VPS39: variants seen among roughly 807,000 people sequenced by gnomAD.
VPS39 encodes the protein VPS39 subunit of HOPS complex, also known as vam6/Vps39-like protein.
VPS39 carries 70 observed loss-of-function variants against 121.0 expected under a neutral mutation model. The ratio of observed to expected loss-of-function variants is 0.58; its 90% CI spans 0.48 to 0.71. The LOEUF is 0.71. Among genes scored for constraint, VPS39 ranks in the 30% least tolerant of loss-of-function variants. VPS39 has a pLI of 0.00. For missense variants in VPS39, 818 were observed against 1,051.5 expected, an observed-to-expected ratio of 0.78 and a Z score of 3.07; for synonymous variants, 378 against 398.1, an observed-to-expected ratio of 0.95 and a Z score of 0.60.
At chr15:42,162,630 G>C (rs1319652042) in intron 21 of VPS39, 149 bp from the exon 22 acceptor site, 1 of 947,860 alleles carries the variant, frequency 1.1e-6, no homozygotes, top group African/African-American at 1.7e-5. Context: ...TTGTAAATTG[G>C]TAAGGTCAAA....
chr15:42,184,852 G>T, intron 7 of VPS39, 152 bp from the exon 8 acceptor site: 1 of 789,060 alleles, frequency 1.3e-6, no homozygotes, highest in Non-Finnish European at 1.9e-6. Flanking sequence ...AATAACCGTT[G>T]TTATCACAAT....
At chr15:42,205,226 C>G (rs1008200300) in intron 1 of VPS39, among the ~76,000 whole-genome samples, 5 of 152,050 alleles carry the variant, frequency 3.3e-5, no homozygotes, top group Admixed American at 6.6e-5. Context: ...AACTTATATT[C>G]TAATGTGGAG....
Position 42,164,998 on chromosome 15 carries a change from G to A in VPS39, c.1895C>T (p.Ala632Val). ...CGGCTTCCTAAAAGAACTGGTACCT[G>A]CAGGGAAGGACAGGAGATACTCCTT... ...LMKEYLLSFP[A>V]GKTPVPAGEE... The change falls in exon 18 of 25, where the codon GCA (alanine) becomes GTA (valine). Residue 632 changes from alanine (A) to valine (V), a missense_variant and splice_region_variant. Coordinates refer to ENST00000318006, the MANE Select transcript of VPS39 (RefSeq NM_015289.5). 2.5e-6 allele frequency: 4 copies of A among 1,614,190 alleles called. No individual in the cohort carries two copies. Among genetic ancestry groups the A allele is most frequent in the Non-Finnish European group, 3.4e-6 (4 of 1,180,014 alleles).
intron 1 of VPS39, 94 bp downstream of exon 1, chr15:42,207,987 C>G (rs2050210402): frequency 1.4e-6 from 2 of 1,382,124 alleles, no homozygotes; most frequent in African/African-American, 2.9e-5. Flanking sequence ...CCGAAGCCCA[C>G]ACGGATGGAC....
Position 42,162,500 on chromosome 15 carries a change from AG to A in VPS39, c.2176-20del. The stretch of plus-strand genomic sequence containing the variant: ...GATACACCTGTCTCAGAGAGACATG[AG>A]CTACGTCAGGCTGGCAGCAACCCTC... On this transcript the variant is annotated intron_variant, in intron 21 of 24. Transcript: ENST00000318006. The A allele has an allele frequency of 6.3e-7, 1 of 1,576,180 alleles. No individual in the cohort carries two copies. Among genetic ancestry groups the A allele is most frequent in the Non-Finnish European group, 8.7e-7 (1 of 1,155,698 alleles).
In VPS39 at chr15:42,183,977, T is replaced by G. The variant is rs186410017; in HGVS notation, c.718+540A>C. Among the ~76,000 whole-genome samples the G allele has an allele frequency of 4.5e-3, 568 of 126,416 alleles. 3 individuals carry two copies. Among genetic ancestry groups the G allele is most frequent in the Non-Finnish European group, 5.1e-3 (328 of 64,302 alleles). 82.9% of individuals were successfully genotyped at this position (126,416 alleles called of 152,430 possible). On this transcript the variant is annotated intron_variant, in intron 8 of 24. Coordinates refer to ENST00000318006, the MANE Select transcript of VPS39 (RefSeq NM_015289.5). ...GAGAGCTGGGAACCTGAAGCAAGCATAAGAACAGAAGCACCTAATGCGTAG... is the reference window on the plus strand; with the variant it reads ...GAGAGCTGGGAACCTGAAGCAAGCAGAAGAACAGAAGCACCTAATGCGTAG...
intron 8 of VPS39, among the ~76,000 whole-genome samples, chr15:42,181,963 C>A (rs2049590527): frequency 6.6e-6 from 1 of 152,208 alleles, no homozygotes; most frequent in Non-Finnish European, 1.5e-5. Flanking sequence ...GTCCTCCTGC[C>A]TCAGCCTCCC....
intron 1 of VPS39, among the ~76,000 whole-genome samples, chr15:42,205,859 T>A (rs1273294159): frequency 6.6e-6 from 1 of 152,174 alleles, no homozygotes; most frequent in Non-Finnish European, 1.5e-5. Context: ...TTCAGATTTA[T>A]TCTAGGGGTA....
At chr15:42,191,224 T>C in intron 3 of VPS39, 57 bp from the exon 4 acceptor site, 1 of 1,594,652 alleles carries the variant, frequency 6.3e-7, no homozygotes. Context: ...GTTTAGCAAA[T>C]GTTCATTCAA....
chr15:42,180,555 AT>A (rs2049561746), intron 8 of VPS39, among the ~76,000 whole-genome samples: 1 of 152,246 alleles, frequency 6.6e-6, no homozygotes, highest in Admixed American at 6.5e-5. Context: ...AAGTCTTCCA[AT>A]ATTTGAGAAG....
intron 2 of VPS39, among the ~76,000 whole-genome samples, chr15:42,194,224 G>A (rs2049887906): frequency 6.6e-6 from 1 of 151,976 alleles, no homozygotes; most frequent in Non-Finnish European, 1.5e-5. Flanking sequence ...CAGCACTTTG[G>A]GAGGCCGAGA....
chr15:42,168,047 C>T (rs1185677365), intron 12 of VPS39, among the ~76,000 whole-genome samples: 1 of 152,212 alleles, frequency 6.6e-6, no homozygotes, highest in Non-Finnish European at 1.5e-5. Flanking sequence ...GAAAGTTCCT[C>T]GTGCTATTCC....
At chr15:42,207,956 C>T in intron 1 of VPS39, 125 bp downstream of exon 1, 1 of 1,009,078 alleles carries the variant, frequency 9.9e-7, no homozygotes, top group Non-Finnish European at 1.5e-6. Flanking sequence ...TCATCCTAAG[C>T]CCCTCTCGTG....
chr15:42,164,251 T>C (rs1381420678), intron 19 of VPS39, 107 bp downstream of exon 19: 2 of 1,515,968 alleles, frequency 1.3e-6, no homozygotes, highest in Non-Finnish European at 1.8e-6. Context: ...AATGCCTGGT[T>C]TTTCCAGGCC....
At chr15:42,161,647 A>G (rs1250895486) in intron 24 of VPS39, 35 bp downstream of exon 24, 2 of 1,605,788 alleles carry the variant, frequency 1.2e-6, no homozygotes, top group South Asian at 2.2e-5. Flanking sequence ...ACCTCCACAA[A>G]GCCCAGATGC....
At position 42,208,280 on chromosome 15, in the gene VPS39, C is replaced by A. The variant is rs2050221241; in HGVS notation, c.-127G>T. The A allele has an allele frequency of 3.0e-5, 37 of 1,250,682 alleles. No homozygotes were observed. In the South Asian group the frequency reaches 5.1e-4, roughly 17 times the overall value. 77.5% of individuals were successfully genotyped at this position (1,250,682 alleles called of 1,614,324 possible). On this transcript the variant is annotated 5_prime_UTR_variant, in exon 1 of 25. Transcript: ENST00000318006. The stretch of plus-strand genomic sequence containing the variant: ...AGGAACCCCCCGGCTACAGGCCCTT[C>A]AACAACACAGCCATCGTCAACCCCG...
chr15:42,164,068 A>G (rs2049193377), intron 19 of VPS39, among the ~76,000 whole-genome samples: 1 of 152,240 alleles, frequency 6.6e-6, no homozygotes, highest in Non-Finnish European at 1.5e-5. Context: ...AAATTATGCC[A>G]GATTACAAAA....
At chr15:42,201,986 C>T (rs2050077704) in intron 1 of VPS39, among the ~76,000 whole-genome samples, 1 of 152,044 alleles carries the variant, frequency 6.6e-6, no homozygotes, top group Admixed American at 6.5e-5. Flanking sequence ...TTTTTCAAAT[C>T]CCCATTTTAT....
At chr15:42,195,866 G>A (rs1158880005) in intron 2 of VPS39, among the ~76,000 whole-genome samples, 2 of 152,076 alleles carry the variant, frequency 1.3e-5, no homozygotes, top group East Asian at 1.9e-4. Flanking sequence ...TTGCCAAGTC[G>A]ATCCTAAGCA....
Sources: gnomAD v4.1 joint callset for allele counts (sites outside exome capture counted in the v4.1 genomes callset) on GRCh38, gnomAD v4.1.1 for gene constraint, MANE v1.5 for transcripts, NCBI Gene and HGNC (gene_info 2026-07-23, HGNC 2026-07-21) for gene names.